NFASC: variants seen among roughly 807,000 people sequenced by gnomAD.
The protein encoded by NFASC is neurofascin.
In NFASC, 43 loss-of-function variants were observed where a neutral mutation model predicts 147.5. That is an observed-to-expected ratio of 0.29 (90% confidence interval 0.23 to 0.38). The LOEUF (loss-of-function observed/expected upper bound fraction) is 0.38. Ranked by LOEUF, NFASC falls within the 10% of genes least tolerant of loss-of-function variation. NFASC has a pLI of 1.00. For missense variants in NFASC, 1,320 were observed against 1,689.0 expected, an observed-to-expected ratio of 0.78 and a Z score of 3.83; for synonymous variants, 622 against 665.5, an observed-to-expected ratio of 0.93 and a Z score of 1.01.
At chr1:204,913,635 T>C (rs1403948087) in intron 1 of NFASC, among the ~76,000 whole-genome samples, 2 of 152,162 alleles carry the variant, frequency 1.3e-5, no homozygotes, top group Non-Finnish European at 2.9e-5. Context: ...CTTCTTCACA[T>C]GATTTCAAAG....
Position 204,973,312 on chromosome 1 carries a change from A to G in NFASC, c.1172A>G (p.Asp391Gly), listed in dbSNP as rs752038065. The change falls in exon 12 of 30, where the codon GAC (aspartate) becomes GGC (glycine). Residue 391 changes from aspartate to glycine, a missense_variant. Physicochemically the swap from Asp to Gly is moderately conservative, Grantham distance 94 (BLOSUM62 -1). This residue lies in a region of NFASC where 981 missense variants were observed against 1,289.5 expected (regional missense o/e 0.76). Transcript: ENST00000339876. ...AACCCAAACCGTGAGGTGGCCGGAG[A>G]CACCATCATCTTCCGGGACACCCAG... ...PPNPNREVAG[D>G]TIIFRDTQIS... 100 of 1,613,980 alleles carry G rather than the reference A, an allele frequency of 6.2e-5. No individual in the cohort carries two copies. Among genetic ancestry groups the G allele is most frequent in the Non-Finnish European group, 8.1e-5 (96 of 1,180,018 alleles).
chr1:204,852,918 C>T (rs925459354), intron 1 of NFASC, among the ~76,000 whole-genome samples: 4 of 152,164 alleles, frequency 2.6e-5, no homozygotes, highest in Non-Finnish European at 5.9e-5. Context: ...GAGAGGCTGA[C>T]GGTCTGGTCT....
intron 8 of NFASC, among the ~76,000 whole-genome samples, chr1:204,965,083 G>C (rs1185520776): frequency 6.6e-6 from 1 of 152,170 alleles, no homozygotes; most frequent in Non-Finnish European, 1.5e-5. Context: ...GAGCTGGCGA[G>C]GGAAGCTCTT....
intron 2 of NFASC, among the ~76,000 whole-genome samples, chr1:204,934,070 G>A (rs534805010): frequency 3.3e-5 from 5 of 150,678 alleles, no homozygotes; most frequent in African/African-American, 1.2e-4. Context: ...CCCAAGAGGC[G>A]GAGGTTGCAA....
At chr1:204,909,714 T>A (rs1273155033) in intron 1 of NFASC, among the ~76,000 whole-genome samples, 1 of 152,242 alleles carries the variant, frequency 6.6e-6, no homozygotes, top group Admixed American at 6.5e-5. Context: ...TATGTTTAAG[T>A]TGGCCATCCA....
At chr1:204,945,947 G>A (rs930778138) in intron 3 of NFASC, among the ~76,000 whole-genome samples, 1 of 152,218 alleles carries the variant, frequency 6.6e-6, no homozygotes, top group African/African-American at 2.4e-5. Context: ...GGGCCAGTGG[G>A]TGAGGGGTCC....
Position 205,016,703 on chromosome 1 carries a change from C to T in NFASC, c.*164C>T, listed in dbSNP as rs1018253406. ...GGACCAGTAGCCACCAAGCCACCCA[C>T]AAGCCCCCTCCCAATGACCCCCCTT... On this transcript the variant is annotated 3_prime_UTR_variant, in exon 30 of 30. Transcript: ENST00000339876. The surrounding 1 kb of genome is among the most constrained non-coding windows in gnomAD (Gnocchi z 5.1). The T allele has an allele frequency of 5.8e-6, 4 of 690,786 alleles. No homozygotes were observed. The Admixed American group carries it at 8.1e-5, about 14-fold the overall frequency. 42.8% of individuals were successfully genotyped at this position (690,786 alleles called of 1,614,324 possible). A position where few individuals can be genotyped will look rare whatever the true frequency, so the allele number is the denominator to read the frequency against.
At chr1:204,996,631 T>C (rs1249564088) in intron 24 of NFASC, among the ~76,000 whole-genome samples, 1 of 152,152 alleles carries the variant, frequency 6.6e-6, no homozygotes, top group Non-Finnish European at 1.5e-5. Context: ...CTCTCTGTCA[T>C]CGGGTTTGGG....
intron 2 of NFASC, among the ~76,000 whole-genome samples, chr1:204,943,278 G>A (rs933382656): frequency 2.0e-5 from 3 of 152,170 alleles, no homozygotes; most frequent in Non-Finnish European, 2.9e-5. Context: ...TTGAGTCTCA[G>A]CTGTAGGCCA....
Position 205,016,476 on chromosome 1 carries a change from A to G in NFASC, c.3660A>G (p.Glu1220=). The stretch of plus-strand genomic sequence containing the variant: ...ACACGGTCAAAAAGGACAAGGAGGA[A>G]ACAGAGGGCAACGAAAGCTCAGAGG... ...GQYTVKKDKE[E]TEGNESSEAT... Residue 1220 remains glutamate, a synonymous_variant, in exon 30 of 30, where the codon GAA becomes GAG. Transcript: ENST00000339876. This position sits in a 1 kb window ranked among gnomAD's most constrained non-coding sequence, Gnocchi z 5.1. 3 of 1,614,156 alleles carry G rather than the reference A, an allele frequency of 1.9e-6. No individual in the cohort carries two copies. The highest frequency in any genetic ancestry group is 2.5e-6 in the Non-Finnish European group (3 of 1,180,034).
intron 1 of NFASC, among the ~76,000 whole-genome samples, chr1:204,852,320 G>A (rs918812910): frequency 3.3e-5 from 5 of 152,120 alleles, no homozygotes; most frequent in African/African-American, 9.7e-5. Context: ...CCAAAATGGC[G>A]AAACCCCATC....
At chr1:204,939,669 G>A (rs574058896) in intron 2 of NFASC, among the ~76,000 whole-genome samples, 1 of 152,402 alleles carries the variant, frequency 6.6e-6, no homozygotes, top group African/African-American at 2.4e-5. Flanking sequence ...GGAAGTGCTG[G>A]GAGAGGAACC....
At chr1:204,896,831 A>G (rs943907108) in intron 1 of NFASC, among the ~76,000 whole-genome samples, 2 of 152,196 alleles carry the variant, frequency 1.3e-5, no homozygotes, top group Non-Finnish European at 2.9e-5. Flanking sequence ...TAGAGACATT[A>G]TAGATATTGG....
chr1:204,935,825 G>A (rs1021790545), intron 2 of NFASC, among the ~76,000 whole-genome samples: 1 of 152,144 alleles, frequency 6.6e-6, no homozygotes, highest in African/African-American at 2.4e-5. Context: ...TCTTGCCGTT[G>A]CCCCCGTGCA....
At chr1:204,853,276 T>C (rs1315365252) in intron 1 of NFASC, among the ~76,000 whole-genome samples, 1 of 152,248 alleles carries the variant, frequency 6.6e-6, no homozygotes, top group Non-Finnish European at 1.5e-5. Flanking sequence ...AGAAATAAGC[T>C]GTCCCAGACC....
intron 29 of NFASC, among the ~76,000 whole-genome samples, chr1:205,014,907 G>A (rs928303577): frequency 6.6e-6 from 1 of 152,130 alleles, no homozygotes; most frequent in Non-Finnish European, 1.5e-5. Context: ...CCCTCCTCCA[G>A]TTGGCAAACA....
intron 1 of NFASC, among the ~76,000 whole-genome samples, chr1:204,839,413 AC>A: frequency 6.9e-6 from 1 of 143,980 alleles, no homozygotes; most frequent in Non-Finnish European, 1.5e-5. Flanking sequence ...ACACACACAC[AC>A]ACACGATAGG....
chr1:204,966,074 G>A (rs190542662), intron 8 of NFASC, among the ~76,000 whole-genome samples: 1 of 152,284 alleles, frequency 6.6e-6, no homozygotes, highest in Admixed American at 6.5e-5. Context: ...CCAACTTTTA[G>A]GATGCTCTTC....
At chr1:205,009,110 G>A (rs1279820781) in intron 27 of NFASC, 4 of 251,230 alleles carry the variant, frequency 1.6e-5, no homozygotes, top group Non-Finnish European at 3.2e-5. Context: ...TTTTTGCAAC[G>A]TGGCCACGGC....
Sources: allele counts gnomAD v4.1 joint callset (sites outside exome capture counted in the v4.1 genomes callset), GRCh38; gene constraint gnomAD v4.1.1; regional missense constraint gnomAD v4.1.1; non-coding constraint Gnocchi (gnomAD v3.1); transcripts MANE v1.5; gene names NCBI Gene and HGNC (gene_info 2026-07-23, HGNC 2026-07-21).